Variants in CTNNA3 observed in about 807,000 individuals in gnomAD.
CTNNA3 encodes the protein catenin alpha-3.
In CTNNA3, 76 loss-of-function variants were observed where a neutral mutation model predicts 95.7. The ratio of observed to expected loss-of-function variants is 0.79; its 90% confidence interval spans 0.66 to 0.96. The LOEUF (loss-of-function observed/expected upper bound fraction) is 0.96. Among genes scored for constraint, CTNNA3 ranks in the 40% least tolerant of loss-of-function variants. The probability of loss-of-function intolerance (pLI) is 0.00; values close to 1 mark genes in which losing one functional copy is unlikely to be tolerated. For synonymous variants in CTNNA3, 431 were observed against 374.4 expected (o/e 1.15, Z -1.74); for missense variants, 1,191 against 1,089.8 (o/e 1.09, Z -1.31).
chr10:66,305,132 T>C (rs2091915037), intron 12 of CTNNA3, among the ~76,000 whole-genome samples: 1 of 152,100 alleles, frequency 6.6e-6, no homozygotes, highest in Non-Finnish European at 1.5e-5. Flanking sequence ...TTAATTTCTC[T>C]TGCTTCCACC....
intron 12 of CTNNA3, among the ~76,000 whole-genome samples, chr10:66,298,510 A>G (rs2091815226): frequency 1.3e-5 from 2 of 152,192 alleles, no homozygotes; most frequent in Non-Finnish European, 2.9e-5. Flanking sequence ...TAAAGATGAG[A>G]TAAGAGAGTT....
chr10:67,631,660 C>T (rs1310227313), intron 2 of CTNNA3, among the ~76,000 whole-genome samples: 6 of 152,140 alleles, frequency 3.9e-5, no homozygotes, highest in African/African-American at 1.2e-4. Context: ...GAGACTATAT[C>T]ATGTACTTAA....
At chr10:67,720,279 C>T (rs1841172502) in intron 1 of CTNNA3, among the ~76,000 whole-genome samples, 1 of 150,690 alleles carries the variant, frequency 6.6e-6, no homozygotes, top group African/African-American at 2.4e-5. Context: ...GACTGTTTAT[C>T]CAATTTGCCA....
At chr10:66,206,858 A>T (rs541316841) in intron 13 of CTNNA3, among the ~76,000 whole-genome samples, 1 of 151,890 alleles carries the variant, frequency 6.6e-6, no homozygotes, top group East Asian at 1.9e-4. Context: ...GCATCTGCCT[A>T]CCTCAACAGC....
At chr10:66,245,016 C>T (rs557730646) in intron 13 of CTNNA3, among the ~76,000 whole-genome samples, 2 of 152,278 alleles carry the variant, frequency 1.3e-5, no homozygotes, top group South Asian at 2.1e-4. Context: ...TTTGCTTGGG[C>T]GCACTGGGCT....
At chr10:67,001,057 C>G (rs1473974833) in intron 7 of CTNNA3, among the ~76,000 whole-genome samples, 1 of 151,902 alleles carries the variant, frequency 6.6e-6, no homozygotes, top group Non-Finnish European at 1.5e-5. Context: ...AATCCCAGCA[C>G]TTTGGGAGGC....
intron 1 of CTNNA3, chr10:67,750,405 G>A (rs568738153): frequency 8.9e-5 from 133 of 1,487,106 alleles, no homozygotes; most frequent in Non-Finnish European, 4.5e-5. Flanking sequence ...GCAGGATATC[G>A]CCACATTGAC....
chr10:67,017,725 C>CTGTGTGTGTG (rs10586644), intron 7 of CTNNA3, among the ~76,000 whole-genome samples: 3 of 147,892 alleles, frequency 2.0e-5, no homozygotes, highest in African/African-American at 7.5e-5. Flanking sequence ...CAAAAATCAT[C>CTGTGTGTGTG]TGTGTGTGTG....
At position 66,759,069 on chromosome 10, in the gene CTNNA3, A is replaced by T. The variant is rs574448279; in HGVS notation, c.1281+7195T>A. On this transcript the variant is annotated intron_variant, in intron 9 of 17. Coordinates refer to ENST00000433211, the MANE Select transcript of CTNNA3 (RefSeq NM_013266.4). ...CTATCTGAAATTGAAAGTTGGATACAAGGGTCCAACAACATATACATTTGA... is the reference window on the plus strand; with the variant it reads ...CTATCTGAAATTGAAAGTTGGATACTAGGGTCCAACAACATATACATTTGA... Among the ~76,000 whole-genome samples the T allele has an allele frequency of 2.0e-5, 3 of 152,332 alleles. No individual in the cohort carries two copies. In the East Asian group the frequency reaches 5.8e-4, roughly 29 times the overall value.
chr10:67,748,428 G>C (rs1841384787), intron 1 of CTNNA3, among the ~76,000 whole-genome samples: 1 of 152,172 alleles, frequency 6.6e-6, no homozygotes, highest in African/African-American at 2.4e-5. Flanking sequence ...CTACAAGCCA[G>C]TAGAGAGTGT....
chr10:66,340,452 G>C (rs536479966), intron 12 of CTNNA3, among the ~76,000 whole-genome samples: 1 of 151,654 alleles, frequency 6.6e-6, no homozygotes, highest in Non-Finnish European at 1.5e-5. Context: ...TTTGTTTTAC[G>C]TACTCCACTA....
intron 2 of CTNNA3, among the ~76,000 whole-genome samples, chr10:67,646,330 A>T (rs1839712240): frequency 6.6e-6 from 1 of 151,004 alleles, no homozygotes; most frequent in African/African-American, 2.4e-5. Context: ...TTTCTTTTTA[A>T]CATGAAACTG....
intron 7 of CTNNA3, among the ~76,000 whole-genome samples, chr10:66,796,513 A>C (rs1009465477): frequency 1.3e-5 from 2 of 152,122 alleles, no homozygotes; most frequent in Admixed American, 1.3e-4. Flanking sequence ...AAATAATTTA[A>C]AAATTTAAAA....
chr10:66,793,998 C>A (rs34120231), intron 7 of CTNNA3, among the ~76,000 whole-genome samples: 42,610 of 151,794 alleles, frequency 0.28, 6,657 homozygotes, highest in African/African-American at 0.44. Flanking sequence ...AAACTTTCCC[C>A]CTCACCTTCT....
At chr10:66,057,193 G>T (rs183416391) in intron 15 of CTNNA3, among the ~76,000 whole-genome samples, 9 of 152,164 alleles carry the variant, frequency 5.9e-5, no homozygotes, top group Admixed American at 2.0e-4. Flanking sequence ...CCTCTGTAAG[G>T]TCTGAATAGT....
In CTNNA3 at chr10:67,124,333, GGTGTGTGTGT is replaced by G. The variant is rs141981196; in HGVS notation, c.1047+55974_1047+55983del. On this transcript the variant is annotated intron_variant, in intron 7 of 17. Coordinates refer to ENST00000433211, the MANE Select transcript of CTNNA3 (RefSeq NM_013266.4). ...CTCCTGCGTGTAGGGGTGTGTTAGCGGTGTGTGTGTGTGTGTGTGTGTGTGTGTGTGTGTG... is the reference window on the plus strand; with the variant it reads ...CTCCTGCGTGTAGGGGTGTGTTAGCGGTGTGTGTGTGTGTGTGTGTGTGTG... 1.2e-3 allele frequency among the ~76,000 whole-genome samples: 173 copies of G among 141,866 alleles called. 3 individuals are homozygous for G. Among genetic ancestry groups the G allele is most frequent in the African/African-American group, 4.1e-3 (154 of 37,980 alleles). The allele number at this position is 141,866 out of a possible 152,430, so 93.1% of individuals were successfully genotyped here.
At chr10:66,628,644 T>C (rs1845023830) in intron 9 of CTNNA3, among the ~76,000 whole-genome samples, 2 of 152,104 alleles carry the variant, frequency 1.3e-5, no homozygotes, top group African/African-American at 4.8e-5. Flanking sequence ...TAGAAATAAA[T>C]GGCAGTTCAT....
At chr10:67,447,100 G>A (rs1471294525) in intron 5 of CTNNA3, among the ~76,000 whole-genome samples, 1 of 152,120 alleles carries the variant, frequency 6.6e-6, no homozygotes, top group South Asian at 2.1e-4. Context: ...GAGAGACTCC[G>A]TCTCAAAAAA....
At chr10:66,028,339 C>T (rs1243866662) in intron 15 of CTNNA3, among the ~76,000 whole-genome samples, 1 of 152,114 alleles carries the variant, frequency 6.6e-6, no homozygotes, top group Non-Finnish European at 1.5e-5. Context: ...AGACTTGGAA[C>T]CAACCCAAAT....
Sources: gnomAD v4.1 joint callset for allele counts (sites outside exome capture counted in the v4.1 genomes callset) on GRCh38, gnomAD v4.1.1 for gene constraint, MANE v1.5 for transcripts, NCBI Gene and HGNC (gene_info 2026-07-23, HGNC 2026-07-21) for gene names.